ZFHX3: variants seen among roughly 807,000 people sequenced by gnomAD.
ZFHX3 encodes the protein zinc finger homeobox protein 3.
Under a neutral mutation model 279.1 loss-of-function variants are expected in ZFHX3, and 42 were observed. The ratio of observed to expected loss-of-function variants is 0.15; its 90% CI spans 0.12 to 0.19. ZFHX3 has a LOEUF of 0.19. Ranked by LOEUF, ZFHX3 falls within the 10% of genes least tolerant of loss-of-function variation. ZFHX3 has a pLI of 1.00. For synonymous variants in ZFHX3, 2,293 were observed against 1,957.8 expected, an observed-to-expected ratio of 1.17 and a Z score of -4.52; for missense variants, 4,981 against 4,754.0, an observed-to-expected ratio of 1.05 and a Z score of -1.40.
At chr16:72,998,755 G>A (rs907949797) in intron 1 of ZFHX3, among the ~76,000 whole-genome samples, 9 of 152,178 alleles carry the variant, frequency 5.9e-5, no homozygotes, top group Non-Finnish European at 1.3e-4. Context: ...ACTTACCGCT[G>A]CTCAAGACTC....
At chr16:73,182,268 C>T (rs1316003811) in intron 5 of ZFHX3, among the ~76,000 whole-genome samples, 1 of 152,142 alleles carries the variant, frequency 6.6e-6, no homozygotes, top group African/African-American at 2.4e-5. Flanking sequence ...ACCACCCTGG[C>T]CGACACAGTG....
intron 4 of ZFHX3, among the ~76,000 whole-genome samples, chr16:73,261,661 T>C (rs1484026197): frequency 1.4e-5 from 2 of 141,520 alleles, no homozygotes; most frequent in South Asian, 2.4e-4. Context: ...TAAACATTCC[T>C]GTGATTGTTT....
intron 1 of ZFHX3, among the ~76,000 whole-genome samples, chr16:73,818,835 C>T (rs1422947957): frequency 6.6e-6 from 1 of 152,180 alleles, no homozygotes; most frequent in Non-Finnish European, 1.5e-5. Flanking sequence ...ACTGATTAGT[C>T]AAAGAAGTTC....
chr16:73,346,432 G>T (rs888763761), intron 3 of ZFHX3, among the ~76,000 whole-genome samples: 5 of 152,162 alleles, frequency 3.3e-5, no homozygotes, highest in Admixed American at 2.0e-4. Context: ...AAGAATCACA[G>T]ATTGGCCAAA....
intron 2 of ZFHX3, among the ~76,000 whole-genome samples, chr16:73,640,818 C>G (rs2052566650): frequency 6.6e-6 from 1 of 152,086 alleles, no homozygotes; most frequent in South Asian, 2.1e-4. Context: ...CTAAGAGACA[C>G]AAAAACTTCA....
chr16:73,349,658 T>C (rs1413527421), intron 3 of ZFHX3, among the ~76,000 whole-genome samples: 23 of 7,718 alleles, frequency 3.0e-3, no homozygotes, highest in African/African-American at 9.0e-3. Flanking sequence ...CTCTCCCTCC[T>C]TCCCTCTCTC....
chr16:73,259,610 T>C (rs1295183161), intron 4 of ZFHX3, among the ~76,000 whole-genome samples: 1 of 152,248 alleles, frequency 6.6e-6, no homozygotes, highest in African/African-American at 2.4e-5. Context: ...GTGCAGTTTC[T>C]ATAGCAGGCA....
chr16:73,011,584 T>C (rs1210405448), intron 1 of ZFHX3, among the ~76,000 whole-genome samples: 1 of 151,942 alleles, frequency 6.6e-6, no homozygotes, highest in Non-Finnish European at 1.5e-5. Context: ...CTACTAAAAA[T>C]ACAAAAATTA....
intron 2 of ZFHX3, among the ~76,000 whole-genome samples, chr16:73,617,688 G>A (rs1228226226): frequency 6.9e-6 from 1 of 144,774 alleles, no homozygotes; most frequent in Non-Finnish European, 1.5e-5. Flanking sequence ...GTGTTTACAG[G>A]AGAAAATCAC....
chr16:72,837,108 A>C, intron 4 of ZFHX3, among the ~76,000 whole-genome samples: 1 of 152,196 alleles, frequency 6.6e-6, no homozygotes, highest in Admixed American at 6.5e-5. Context: ...GAAGTGCACC[A>C]AGTCAATGGG....
chr16:73,166,332 G>A (rs377572661), intron 5 of ZFHX3, among the ~76,000 whole-genome samples: 2 of 152,312 alleles, frequency 1.3e-5, no homozygotes, highest in South Asian at 2.1e-4. Flanking sequence ...AAGAGATTCC[G>A]AGTCGGGTTT....
intron 3 of ZFHX3, among the ~76,000 whole-genome samples, chr16:72,944,547 G>A (rs148958822): frequency 4.0e-5 from 6 of 151,282 alleles, no homozygotes; most frequent in South Asian, 2.1e-4. Flanking sequence ...ATTACACAAC[G>A]TCATTCCAAT....
At chr16:72,801,188 T>C (rs1199930000) in intron 7 of ZFHX3, among the ~76,000 whole-genome samples, 1 of 152,120 alleles carries the variant, frequency 6.6e-6, no homozygotes, top group African/African-American at 2.4e-5. Context: ...GCTGGAGAAA[T>C]GGACTGACCT....
intron 2 of ZFHX3, among the ~76,000 whole-genome samples, chr16:73,578,409 T>C (rs141821183): frequency 6.6e-6 from 1 of 151,644 alleles, no homozygotes; most frequent in East Asian, 1.9e-4. Context: ...AAGGGAAGGA[T>C]ATTTTCATTA....
intron 2 of ZFHX3, among the ~76,000 whole-genome samples, chr16:73,567,145 T>C (rs527356071): frequency 2.8e-4 from 42 of 152,284 alleles, no homozygotes; most frequent in Non-Finnish European, 1.5e-5. Flanking sequence ...CTCTTGTTTT[T>C]TGTTTGTTTG....
chr16:73,292,024 A>C (rs1489977481), intron 4 of ZFHX3, among the ~76,000 whole-genome samples: 1 of 152,190 alleles, frequency 6.6e-6, no homozygotes, highest in Non-Finnish European at 1.5e-5. Flanking sequence ...GAAGTTTCTA[A>C]GTATTGATAT....
At chr16:73,811,257 G>C (rs1960416170) in intron 1 of ZFHX3, among the ~76,000 whole-genome samples, 1 of 152,056 alleles carries the variant, frequency 6.6e-6, no homozygotes, top group Admixed American at 6.6e-5. Context: ...ACCTGAATTA[G>C]AGCCCTCCAT....
intron 3 of ZFHX3, among the ~76,000 whole-genome samples, chr16:73,415,556 C>A (rs756081980): frequency 2.0e-5 from 3 of 152,196 alleles, no homozygotes; most frequent in Admixed American, 6.5e-5. Context: ...AATGGAGCTG[C>A]TTCCTCCTCA....
chr16:72,915,061 A>T (rs1325170778), intron 3 of ZFHX3, among the ~76,000 whole-genome samples: 1 of 152,144 alleles, frequency 6.6e-6, no homozygotes, highest in African/African-American at 2.4e-5. Flanking sequence ...TCAAAATTCA[A>T]AATTCCAGTA....
Sources: gnomAD v4.1 joint callset for allele counts (sites outside exome capture counted in the v4.1 genomes callset) on GRCh38, gnomAD v4.1.1 for gene constraint, MANE v1.5 for transcripts, NCBI Gene and HGNC (gene_info 2026-07-23, HGNC 2026-07-21) for gene names.